The following AFF3 variants were observed in gnomAD, a reference collection of about 807,000 sequenced individuals.
The protein encoded by AFF3 is ALF transcription elongation factor 3.
In AFF3, 32 loss-of-function variants were observed where a neutral mutation model predicts 129.7. That is an observed-to-expected ratio of 0.25 (90% CI 0.19 to 0.33). The LOEUF is 0.33. Ranked by LOEUF, AFF3 falls within the 10% of genes least tolerant of loss-of-function variation. The pLI, the probability that AFF3 is intolerant of heterozygous loss-of-function variation, is 1.00. For synonymous variants in AFF3, 644 were observed against 635.4 expected (o/e 1.01, Z -0.20); for missense variants, 1,373 against 1,592.0 (o/e 0.86, Z 2.34).
chr2:99,612,800 G>A (rs901398241), intron 13 of AFF3, among the ~76,000 whole-genome samples: 3 of 152,146 alleles, frequency 2.0e-5, no homozygotes, highest in South Asian at 2.1e-4. Context: ...CAGTCATTCC[G>A]TGACCTTGCC....
intron 7 of AFF3, among the ~76,000 whole-genome samples, chr2:99,865,625 C>T (rs138348136): frequency 1.5e-3 from 224 of 152,216 alleles, no homozygotes; most frequent in African/African-American, 5.0e-3. Context: ...GTGTCTAAAA[C>T]TTAGAAGTTA....
chr2:99,613,180 T>C (rs1256513611), intron 13 of AFF3, among the ~76,000 whole-genome samples: 1 of 152,226 alleles, frequency 6.6e-6, no homozygotes, highest in Non-Finnish European at 1.5e-5. Context: ...ACTTAATATT[T>C]ACATTTACAT....
intron 4 of AFF3, among the ~76,000 whole-genome samples, chr2:100,027,874 A>G (rs1684171666): frequency 6.6e-6 from 1 of 152,190 alleles, no homozygotes; most frequent in Admixed American, 6.5e-5. Context: ...AATGTTAAGC[A>G]TATTATATTT....
intron 4 of AFF3, among the ~76,000 whole-genome samples, chr2:100,103,491 T>G: frequency 1.5e-5 from 2 of 137,068 alleles, no homozygotes; most frequent in Non-Finnish European, 3.1e-5. Context: ...TAGTGCTGGT[T>G]GGAAACATTT....
intron 13 of AFF3, among the ~76,000 whole-genome samples, chr2:99,638,490 T>C (rs985935160): frequency 1.3e-5 from 2 of 149,148 alleles, no homozygotes; most frequent in Non-Finnish European, 3.0e-5. Flanking sequence ...TTAGTTTTTC[T>C]CGTCTGTGGT....
At chr2:100,112,492 G>A (rs1190827952) in intron 2 of AFF3, 2 of 152,298 alleles carry the variant, frequency 1.3e-5, no homozygotes, top group Admixed American at 1.3e-4. Context: ...AGGAGTTCAA[G>A]ACAAGCCTGG....
At chr2:99,929,270 T>C (rs1023897383) in intron 7 of AFF3, among the ~76,000 whole-genome samples, 2 of 152,120 alleles carry the variant, frequency 1.3e-5, no homozygotes, top group African/African-American at 2.4e-5. Flanking sequence ...GAGGTTGTGG[T>C]GTGCCAAGAC....
intron 19 of AFF3, among the ~76,000 whole-genome samples, chr2:99,567,931 C>T (rs1269703483): frequency 1.3e-5 from 2 of 152,232 alleles, no homozygotes; most frequent in Non-Finnish European, 2.9e-5. Flanking sequence ...AACTGTCCAT[C>T]AGACTCAGAT....
rs912426909 is a variant in AFF3, at chr2:99,836,427, A to G, written c.921+1050T>C. On this transcript the variant is annotated intron_variant, in intron 8 of 24. Transcript: ENST00000672756. The stretch of plus-strand genomic sequence containing the variant: ...TTTAACATATACTTATATACCAGAA[A>G]TGAAGCTGCCTGTTTTGACAATTGC... Among the ~76,000 whole-genome samples the G allele has an allele frequency of 2.0e-5, 3 of 152,302 alleles. No homozygotes were observed. In the East Asian group the frequency reaches 5.8e-4, roughly 29 times the overall value.
intron 11 of AFF3, among the ~76,000 whole-genome samples, chr2:99,691,948 A>T (rs1423278071): frequency 6.6e-6 from 1 of 152,202 alleles, no homozygotes; most frequent in African/African-American, 2.4e-5. Context: ...CCAGGAAAGG[A>T]CTAAATTCTT....
At chr2:99,761,312 G>A (rs940458) in intron 8 of AFF3, among the ~76,000 whole-genome samples, 1 of 151,970 alleles carries the variant, frequency 6.6e-6, no homozygotes, top group East Asian at 1.9e-4. Context: ...TTCATAACTG[G>A]CTAACGTTTT....
chr2:100,075,640 A>C (rs1383152860), intron 4 of AFF3, among the ~76,000 whole-genome samples: 2 of 152,170 alleles, frequency 1.3e-5, no homozygotes, highest in Non-Finnish European at 2.9e-5. Context: ...TTAGGGAAAT[A>C]ATTATGGAAA....
At chr2:100,014,752 C>G (rs905065720) in intron 4 of AFF3, among the ~76,000 whole-genome samples, 10 of 150,114 alleles carry the variant, frequency 6.7e-5, no homozygotes, top group Non-Finnish European at 1.3e-4. Context: ...GGTTATGTTA[C>G]TCTCTCCATA....
intron 4 of AFF3, among the ~76,000 whole-genome samples, chr2:100,062,729 A>G (rs1687391630): frequency 6.6e-6 from 1 of 152,224 alleles, no homozygotes; most frequent in South Asian, 2.1e-4. Flanking sequence ...CTTAGGCCCC[A>G]AGACTTTTTC....
In AFF3 at chr2:100,105,550, C is replaced by G. The variant is rs760756401; in HGVS notation, c.-111G>C. On this transcript the variant is annotated 5_prime_UTR_variant, in exon 3 of 25. Coordinates refer to ENST00000672756, the MANE Select transcript of AFF3 (RefSeq NM_001386135.1). ...CTCTGGGTGTCGACTTCAAACTTGC[C>G]GCCCGTCTCCGGTCTGGAAAGGCAG... 1 of 1,332,008 alleles carries G rather than the reference C, an allele frequency of 7.5e-7. No individual in the cohort carries two copies. Among genetic ancestry groups the G allele is most frequent in the Non-Finnish European group, 9.9e-7 (1 of 1,005,052 alleles). The allele number at this position is 1,332,008 out of a possible 1,614,324, so 82.5% of individuals were successfully genotyped here.
At chr2:99,924,942 C>G (rs1696118393) in intron 7 of AFF3, among the ~76,000 whole-genome samples, 1 of 150,958 alleles carries the variant, frequency 6.6e-6, no homozygotes, top group Admixed American at 6.6e-5. Flanking sequence ...ATGGCTTGAT[C>G]ATGGCTCACT....
At chr2:99,575,414 A>ATTTTTTTTTTTTTTTTTTTTTTTTTTT (rs540441950) in intron 18 of AFF3, among the ~76,000 whole-genome samples, 1 of 127,472 alleles carries the variant, frequency 7.8e-6, no homozygotes, top group African/African-American at 3.1e-5. Flanking sequence ...TGCCTGGCTA[A>ATTTTTTTTTTTTTTTTTTTTTTTTTTT]TTTTTTTTTT....
intron 7 of AFF3, among the ~76,000 whole-genome samples, chr2:99,890,032 T>G (rs1238994805): frequency 6.6e-6 from 1 of 152,194 alleles, no homozygotes; most frequent in Non-Finnish European, 1.5e-5. Context: ...CCCTTTTGCG[T>G]GTGCACAGGC....
At chr2:100,077,400 C>T (rs905332464) in intron 4 of AFF3, among the ~76,000 whole-genome samples, 2 of 151,994 alleles carry the variant, frequency 1.3e-5, no homozygotes, top group Non-Finnish European at 2.9e-5. Flanking sequence ...GAGGATGGGG[C>T]CGTGAGTCAG....
Sources: allele counts gnomAD v4.1 joint callset (sites outside exome capture counted in the v4.1 genomes callset), GRCh38; gene constraint gnomAD v4.1.1; transcripts MANE v1.5; gene names NCBI Gene and HGNC (gene_info 2026-07-23, HGNC 2026-07-21).